ARHGEF4: variants seen among roughly 807,000 people sequenced by gnomAD.
ARHGEF4 encodes APC-stimulated guanine nucleotide exchange factor 1.
ARHGEF4 carries 119 observed loss-of-function variants against 162.0 expected under a neutral mutation model. That is an observed-to-expected ratio of 0.73 (90% CI 0.63 to 0.86). The LOEUF is 0.86. Among genes scored for constraint, ARHGEF4 ranks in the 40% least tolerant of loss-of-function variants. ARHGEF4 has a pLI of 0.00. For missense variants in ARHGEF4, 2,488 were observed against 2,456.0 expected (o/e 1.01, Z -0.28); for synonymous variants, 1,014 against 979.9 (o/e 1.03, Z -0.65).
At chr2:130,939,555 T>G (rs1683167051) in intron 3 of ARHGEF4, among the ~76,000 whole-genome samples, 1 of 152,184 alleles carries the variant, frequency 6.6e-6, no homozygotes, top group Non-Finnish European at 1.5e-5. Context: ...TTTTTCAACA[T>G]TGTTTTACAC....
chr2:131,021,899 T>C (rs1366137001), intron 4 of ARHGEF4, among the ~76,000 whole-genome samples: 5 of 152,274 alleles, frequency 3.3e-5, no homozygotes, highest in South Asian at 2.1e-4. Flanking sequence ...TTTTTCTGCA[T>C]AGATTGAGAT....
At chr2:130,991,433 A>AG (rs1234337257) in intron 4 of ARHGEF4, among the ~76,000 whole-genome samples, 1 of 152,150 alleles carries the variant, frequency 6.6e-6, no homozygotes, top group East Asian at 1.9e-4. Flanking sequence ...CTCAGCTTGC[A>AG]GGGAGGTGTG....
rs556585776 is a variant in ARHGEF4, at chr2:130,994,940, C to A, written c.3986-33005C>A. Among the ~76,000 whole-genome samples, 5 of 152,310 alleles carry A rather than the reference C, an allele frequency of 3.3e-5. No homozygotes were observed. The East Asian group carries it at 9.6e-4, about 29-fold the overall frequency. On this transcript the variant is annotated intron_variant, in intron 4 of 13. Coordinates refer to ENST00000409359, the MANE Select transcript of ARHGEF4 (RefSeq NM_001367493.1). ...CTGCACTTCAGAGTCAGCCTGACTC[C>A]TCCTCGGACTCCACACAGCATTTTA... is the stretch of plus-strand genomic sequence containing the variant.
In ARHGEF4 at chr2:131,041,319, CGTGTACTTCT is replaced by C; in HGVS notation, c.4753_4762del (p.Val1585SerfsTer10). On this transcript the variant is annotated frameshift_variant, in exon 9 of 14. Coordinates refer to ENST00000409359, the MANE Select transcript of ARHGEF4 (RefSeq NM_001367493.1). LOFTEE classifies it high-confidence loss of function. ...CCCGGCTCACCAAGCTCAGCAAGTACGTGTACTTCTTCGAGGCCTGCCGGCTGCTGCAGAA... is the reference window on the plus strand; with the variant it reads ...CCCGGCTCACCAAGCTCAGCAAGTACTCGAGGCCTGCCGGCTGCTGCAGAA... 6.2e-7 allele frequency: 1 copy of C among 1,613,856 alleles called. No individual in the cohort carries two copies. The highest frequency in any genetic ancestry group is 1.6e-4 in the Middle Eastern group (1 of 6,062).
chr2:130,846,085 GC>G (rs1348273012), intron 1 of ARHGEF4, among the ~76,000 whole-genome samples: 14 of 152,236 alleles, frequency 9.2e-5, no homozygotes, highest in Admixed American at 6.5e-4. Context: ...CCAGAAGGCA[GC>G]CATCTCTCTG....
intron 1 of ARHGEF4, among the ~76,000 whole-genome samples, chr2:130,866,371 C>A (rs1047479515): frequency 2.6e-5 from 4 of 151,926 alleles, no homozygotes; most frequent in African/African-American, 9.7e-5. Context: ...GTGACAAGAG[C>A]GAAACTCCGT....
intron 5 of ARHGEF4, chr2:131,034,974 G>C: frequency 1.0e-6 from 1 of 983,746 alleles, no homozygotes; most frequent in Non-Finnish European, 1.2e-6. Flanking sequence ...CCGGCTTCGC[G>C]GGAGGAGCCC....
chr2:130,913,632 G>T (rs1408158705), intron 1 of ARHGEF4, among the ~76,000 whole-genome samples: 1 of 152,126 alleles, frequency 6.6e-6, no homozygotes, highest in Non-Finnish European at 1.5e-5. Context: ...CAAACATATT[G>T]ATTTGTTCCT....
intron 1 of ARHGEF4, among the ~76,000 whole-genome samples, chr2:130,910,548 T>TA (rs1313760211): frequency 6.6e-6 from 1 of 152,172 alleles, no homozygotes. Flanking sequence ...ACAAATCCAC[T>TA]AGGACAGTGG....
intron 5 of ARHGEF4, among the ~76,000 whole-genome samples, chr2:131,031,079 A>G (rs918594108): frequency 6.6e-6 from 1 of 152,142 alleles, no homozygotes; most frequent in African/African-American, 2.4e-5. Flanking sequence ...ATTCACTTCT[A>G]TTTTCTAAGA....
chr2:130,860,741 A>G (rs1349020270), intron 1 of ARHGEF4, among the ~76,000 whole-genome samples: 4 of 104,226 alleles, frequency 3.8e-5, no homozygotes, highest in Non-Finnish European at 1.7e-5. Context: ...AGTTAACATA[A>G]TAAACTCTAT....
intron 4 of ARHGEF4, chr2:131,011,658 C>G (rs1010135067): frequency 6.5e-7 from 1 of 1,535,400 alleles, no homozygotes; most frequent in East Asian, 2.4e-5. Flanking sequence ...TGGTCAAGAG[C>G]CCATCGGAGC....
chr2:130,963,623 C>A (rs1684772676), intron 4 of ARHGEF4: 1 of 147,552 alleles, frequency 6.8e-6, no homozygotes, highest in Admixed American at 6.7e-5. Flanking sequence ...GCCCCGCGCC[C>A]GCGCCCGCCG....
At chr2:130,976,853 GTGGTGTGTGTCTGGTGTATGTGAGCA>G (rs1685751672) in intron 4 of ARHGEF4, among the ~76,000 whole-genome samples, 2 of 152,122 alleles carry the variant, frequency 1.3e-5, no homozygotes, top group South Asian at 2.1e-4. Flanking sequence ...TGGCGTGTTT[GTGGTGTGTGTCTGGTGTATGTGAGCA>G]TGGTGTGTGT....
intron 1 of ARHGEF4, among the ~76,000 whole-genome samples, chr2:130,864,867 A>G (rs1353229657): frequency 6.6e-6 from 1 of 152,234 alleles, no homozygotes; most frequent in African/African-American, 2.4e-5. Flanking sequence ...ATGGTATGTG[A>G]ATTATAGCTC....
chr2:130,922,767 T>C (rs1381567288), intron 2 of ARHGEF4, among the ~76,000 whole-genome samples: 1 of 151,666 alleles, frequency 6.6e-6, no homozygotes, highest in Non-Finnish European at 1.5e-5. Flanking sequence ...CTCAGATTTT[T>C]TTTTTTCACT....
intron 1 of ARHGEF4, among the ~76,000 whole-genome samples, chr2:130,847,015 G>A (rs1681027285): frequency 6.6e-6 from 1 of 152,212 alleles, no homozygotes; most frequent in Non-Finnish European, 1.5e-5. Context: ...TCCAGAGGAG[G>A]CCTGAGCAGG....
chr2:130,966,754 C>A (rs368093594), intron 4 of ARHGEF4, among the ~76,000 whole-genome samples: 10 of 152,172 alleles, frequency 6.6e-5, no homozygotes, highest in African/African-American at 2.4e-4. Context: ...ATGGCTTTTT[C>A]CTGGATGCCA....
intron 1 of ARHGEF4, among the ~76,000 whole-genome samples, chr2:130,838,472 A>G (rs1042170606): frequency 4.6e-5 from 7 of 152,080 alleles, no homozygotes; most frequent in East Asian, 1.9e-4. Context: ...CGGGCGCGGT[A>G]GTGGGCGCCT....
Sources: gnomAD v4.1 joint callset for allele counts (sites outside exome capture counted in the v4.1 genomes callset) on GRCh38, gnomAD v4.1.1 for gene constraint, MANE v1.5 for transcripts, NCBI Gene and HGNC (gene_info 2026-07-23, HGNC 2026-07-21) for gene names.